Variants in NDST4 observed in about 807,000 individuals in gnomAD.
NDST4 encodes N-deacetylase and N-sulfotransferase 4.
NDST4 carries 63 observed loss-of-function variants against 100.8 expected under a neutral mutation model. That is an observed-to-expected ratio of 0.62 (90% CI 0.51 to 0.77). The LOEUF is 0.77. Among genes scored for constraint, NDST4 ranks in the 30% least tolerant of loss-of-function variants. The pLI is 0.00. For synonymous variants in NDST4, 377 were observed against 361.8 expected (o/e 1.04, Z -0.48); for missense variants, 943 against 1,018.4 (o/e 0.93, Z 1.01).
chr4:114,929,515 A>G (rs72681422), intron 6 of NDST4, among the ~76,000 whole-genome samples: 2,166 of 152,240 alleles, frequency 0.014, 33 homozygotes, highest in Non-Finnish European at 0.022. Flanking sequence ...TTACCTATGT[A>G]TCATATTTTG....
chr4:115,055,581 C>A (rs1441036902), intron 2 of NDST4, among the ~76,000 whole-genome samples: 2 of 152,130 alleles, frequency 1.3e-5, no homozygotes, highest in African/African-American at 4.8e-5. Context: ...TTCAAGTTGT[C>A]ATTGATCATA....
rs138549180 is a variant in NDST4, at chr4:114,868,302, C to T, written c.1719+2466G>A. 8.0e-3 allele frequency among the ~76,000 whole-genome samples: 1,214 copies of T among 152,184 alleles called. 10 individuals are homozygous for T. The highest frequency in any genetic ancestry group is 0.011 in the South Asian group (51 of 4,824). On this transcript the variant is annotated intron_variant, in intron 7 of 13. Coordinates refer to ENST00000264363, the MANE Select transcript of NDST4 (RefSeq NM_022569.3). ...TGATGAATGGGCCATAAAAAACCTA[C>T]CAAGTAACGCTGGTTTTTTAAATAA...
At chr4:115,006,619 GGGAAAAGATGAC>G (rs1373593503) in intron 2 of NDST4, among the ~76,000 whole-genome samples, 2 of 152,026 alleles carry the variant, frequency 1.3e-5, no homozygotes, top group African/African-American at 2.4e-5. Context: ...ACAAGTTTGT[GGGAAAAGATGAC>G]GGTATCTTTT....
intron 2 of NDST4, among the ~76,000 whole-genome samples, chr4:115,038,240 G>A (rs571488061): frequency 3.9e-5 from 6 of 152,154 alleles, no homozygotes; most frequent in Non-Finnish European, 8.8e-5. Context: ...GCTTTCTCAT[G>A]TTTATTACTT....
At chr4:114,833,416 C>T (rs79224545) in intron 12 of NDST4, among the ~76,000 whole-genome samples, 190 bp downstream of exon 12, 16,562 of 152,106 alleles carry the variant, frequency 0.11, 950 homozygotes, top group Middle Eastern at 0.15. Context: ...ATATACTTTA[C>T]AAAATAAAGT....
At chr4:114,914,093 C>T (rs560909568) in intron 6 of NDST4, among the ~76,000 whole-genome samples, 5 of 152,024 alleles carry the variant, frequency 3.3e-5, no homozygotes, top group East Asian at 1.9e-4. Flanking sequence ...GAAAAACAAA[C>T]GTCTCAGTTC....
In NDST4 at chr4:114,995,656, C is replaced by A. The variant is rs1400988470; in HGVS notation, c.979-18382G>T. Among the ~76,000 whole-genome samples, 3 of 152,154 alleles carry A rather than the reference C, an allele frequency of 2.0e-5. No homozygotes were observed. The East Asian group carries it at 5.8e-4, about 29-fold the overall frequency. ...TATTTGAATTCTCCAAAATGATCTT[C>A]CCAATTATTCATTTTTATCAGAATG... is the stretch of plus-strand genomic sequence containing the variant. On this transcript the variant is annotated intron_variant, in intron 2 of 13. Coordinates refer to ENST00000264363, the MANE Select transcript of NDST4 (RefSeq NM_022569.3).
intron 6 of NDST4, among the ~76,000 whole-genome samples, chr4:114,908,602 G>T (rs1360445783): frequency 6.6e-6 from 1 of 152,082 alleles, no homozygotes; most frequent in Non-Finnish European, 1.5e-5. Context: ...CAGGGCACTT[G>T]GGTGGTTTGA....
At chr4:115,029,872 A>T (rs1222320318) in intron 2 of NDST4, among the ~76,000 whole-genome samples, 1 of 152,102 alleles carries the variant, frequency 6.6e-6, no homozygotes, top group Non-Finnish European at 1.5e-5. Flanking sequence ...AGAAAGGTTG[A>T]CTGTGTATGC....
At chr4:114,960,212 C>A (rs74834491) in intron 4 of NDST4, among the ~76,000 whole-genome samples, 1,759 of 152,270 alleles carry the variant, frequency 0.012, 39 homozygotes, top group African/African-American at 0.039. Flanking sequence ...ACAGATATAT[C>A]AAAACTGAGA....
At chr4:115,108,524 T>C (rs1347682790) in intron 1 of NDST4, among the ~76,000 whole-genome samples, 1 of 151,960 alleles carries the variant, frequency 6.6e-6, no homozygotes, top group Non-Finnish European at 1.5e-5. Context: ...AAAAATGATT[T>C]AGAGGATTTA....
chr4:114,889,449 A>G (rs1724546887), intron 6 of NDST4, among the ~76,000 whole-genome samples: 1 of 152,218 alleles, frequency 6.6e-6, no homozygotes, highest in South Asian at 2.1e-4. Flanking sequence ...AGTAATCAGA[A>G]GACCATGATC....
intron 2 of NDST4, among the ~76,000 whole-genome samples, chr4:115,047,258 TTG>T (rs1466888304): frequency 5.9e-5 from 9 of 152,124 alleles, no homozygotes; most frequent in African/African-American, 2.2e-4. Flanking sequence ...GTGTCAAACA[TTG>T]TGTTTTAACA....
At chr4:114,861,980 T>TTA (rs1026819487) in intron 7 of NDST4, among the ~76,000 whole-genome samples, 1 of 152,128 alleles carries the variant, frequency 6.6e-6, no homozygotes, top group Non-Finnish European at 1.5e-5. Context: ...TTTGTAATGT[T>TTA]TATATATATA....
intron 6 of NDST4, among the ~76,000 whole-genome samples, chr4:114,909,733 G>C (rs1447218476): frequency 5.3e-5 from 8 of 151,146 alleles, no homozygotes; most frequent in Admixed American, 5.3e-4. Context: ...GGCCATTCAG[G>C]GATTTATAAA....
chr4:115,061,275 A>C (rs908993856), intron 2 of NDST4, among the ~76,000 whole-genome samples: 1 of 152,132 alleles, frequency 6.6e-6, no homozygotes, highest in Admixed American at 6.6e-5. Context: ...ATTACTGGGT[A>C]TATACCCAAA....
intron 3 of NDST4, among the ~76,000 whole-genome samples, chr4:114,976,043 G>T (rs1449090215): frequency 6.6e-6 from 1 of 151,564 alleles, no homozygotes; most frequent in Non-Finnish European, 1.5e-5. Flanking sequence ...CTTTAAGCAG[G>T]TTTACATGTT....
chr4:115,054,009 A>T (rs985699454), intron 2 of NDST4, among the ~76,000 whole-genome samples: 1 of 152,108 alleles, frequency 6.6e-6, no homozygotes, highest in Non-Finnish European at 1.5e-5. Flanking sequence ...GTATCTACTA[A>T]GCATGTTACC....
chr4:115,024,784 T>A (rs920805546), intron 2 of NDST4, among the ~76,000 whole-genome samples: 3 of 152,156 alleles, frequency 2.0e-5, no homozygotes, highest in African/African-American at 7.2e-5. Context: ...AGAATGCTAC[T>A]GTTAGAATGT....
Sources: gnomAD v4.1 joint callset for allele counts (sites outside exome capture counted in the v4.1 genomes callset) on GRCh38, gnomAD v4.1.1 for gene constraint, MANE v1.5 for transcripts, NCBI Gene and HGNC (gene_info 2026-07-23, HGNC 2026-07-21) for gene names.